TBL2: variants seen among roughly 807,000 people sequenced by gnomAD.
The protein encoded by TBL2 is transducin beta-like protein 2.
TBL2 carries 33 observed loss-of-function variants against 41.8 expected under a neutral mutation model. The observed-to-expected ratio is 0.79, with a 90% CI of 0.60 to 1.06. The LOEUF (loss-of-function observed/expected upper bound fraction) is 1.06, where lower values mean the gene tolerates loss of function less well. TBL2 is among the 50% of genes least tolerant of loss of function. The probability of loss-of-function intolerance (pLI) is 0.00; values close to 1 mark genes in which losing one functional copy is unlikely to be tolerated. For synonymous variants in TBL2, 239 were observed against 241.7 expected (o/e 0.99, Z 0.10); for missense variants, 522 against 603.8 (o/e 0.86, Z 1.42).
At chr7:73,571,953 TG>T in intron 5 of TBL2, 3 of 158,510 alleles carry the variant, frequency 1.9e-5, no homozygotes, top group Non-Finnish European at 2.8e-5. Context: ...CCCAGCTACT[TG>T]GGGGAGGCTG....
intron 1 of TBL2, 189 bp from the exon 2 acceptor site, chr7:73,574,702 T>C (rs1793186436): frequency 1.4e-6 from 1 of 723,868 alleles, no homozygotes; most frequent in Non-Finnish European, 2.3e-6. Flanking sequence ...GGCTCATGCC[T>C]GTAATCCCAA....
chr7:73,570,892 A>C lies in TBL2; in HGVS notation c.959T>G (p.Leu320Trp), dbSNP rs781970807. ...CTCTTCAAAGCGGCCTGTCTTCAGC[A>C]AGTAGGGGTCCTGCTTCTTCTTGTA... ...VEYKKKQDPYLLKTGRFEEAA... is the reference protein window; with the variant it reads ...VEYKKKQDPYWLKTGRFEEAA... Residue 320 changes from leucine to tryptophan, a missense_variant, in exon 7 of 7, where the codon TTG (leucine) becomes TGG (tryptophan). Leu to Trp is a moderately conservative substitution (Grantham distance 61, BLOSUM62 -2). Coordinates refer to ENST00000305632, the MANE Select transcript of TBL2 (RefSeq NM_012453.4). The C allele has an allele frequency of 1.2e-6, 2 of 1,613,900 alleles. No homozygotes were observed. Among genetic ancestry groups the C allele is most frequent in the Non-Finnish European group, 1.7e-6 (2 of 1,179,998 alleles).
At chr7:73,578,143 T>C in intron 1 of TBL2, 1 of 1,053,882 alleles carries the variant, frequency 9.5e-7, no homozygotes, top group Non-Finnish European at 1.3e-6. Flanking sequence ...GAGTTTACGG[T>C]GCTCTCCTGG....
Position 73,572,912 on chromosome 7 carries a change from A to C in TBL2, c.657T>G (p.Gly219=). 6.2e-7 allele frequency: 1 copy of C among 1,614,034 alleles called. No homozygotes were observed. Among genetic ancestry groups the C allele is most frequent in the Non-Finnish European group, 8.5e-7 (1 of 1,180,004 alleles). Residue 219 remains glycine (G), a synonymous_variant, in exon 5 of 7, where the codon GGT becomes GGG. Coordinates refer to ENST00000305632, the MANE Select transcript of TBL2 (RefSeq NM_012453.4). The part of the protein sequence containing the change: ...DTTVLIWSLK[G]QVLSTINTNQ... Reference sequence around the variant, plus strand: ...TGGTGTTGATGGTAGACAGCACTTGACCCTTCAGGCTCCAGATGAGGACAG... The same window carrying C: ...TGGTGTTGATGGTAGACAGCACTTGCCCCTTCAGGCTCCAGATGAGGACAG...
In TBL2 at chr7:73,570,690, A is replaced by T; in HGVS notation, c.1161T>A (p.Phe387Leu). 2 of 1,614,108 alleles carry T rather than the reference A, an allele frequency of 1.2e-6. No homozygotes were observed. The highest frequency in any genetic ancestry group is 1.7e-6 in the Non-Finnish European group (2 of 1,179,990). ...ANLSFDITGRFLASCGDRAVR... is the reference protein window; with the variant it reads ...ANLSFDITGRLLASCGDRAVR... ...CCGCCCGGTCCCCACAGGAGGCCAG[A>T]AAGCGGCCAGTGATGTCAAAGGACA... The change falls in exon 7 of 7, where the codon TTT becomes TTA. Residue 387 changes from phenylalanine to leucine, a missense_variant. Physicochemically the swap from Phe to Leu is conservative, Grantham distance 22. Transcript: ENST00000305632.
At chr7:73,573,829 G>C in intron 3 of TBL2, 109 bp downstream of exon 3, 1 of 1,379,838 alleles carries the variant, frequency 7.2e-7, no homozygotes, top group Non-Finnish European at 9.8e-7. Context: ...GGCACCCCAA[G>C]GGAGGCCCTG....
At chr7:73,572,767 G>A (rs1297291780) in intron 5 of TBL2, 77 bp downstream of exon 5, 3 of 1,601,296 alleles carry the variant, frequency 1.9e-6, no homozygotes, top group Non-Finnish European at 2.6e-6. Context: ...ACGCGATGAA[G>A]CTGGCTCTCT....
chr7:73,577,263 G>GC (rs1396533033), intron 1 of TBL2, among the ~76,000 whole-genome samples: 7 of 77,436 alleles, frequency 9.0e-5, no homozygotes, highest in Non-Finnish European at 8.6e-5. Flanking sequence ...CCGTCCCCCT[G>GC]CAAAAAAAAA....
rs201440606 is a variant in TBL2, at chr7:73,573,464, T to G, written c.454A>C (p.Ile152Leu). Reference protein sequence around the residue: ...VRFSPDCRAFIVWLANGDTLR... With the variant: ...VRFSPDCRAFLVWLANGDTLR... Reference sequence around the variant, plus strand: ...GTGTCCCCGTTGGCCAGCCAGACGATGAAGGCTCTAGAGACAGGCAGCAGA... The same window carrying G: ...GTGTCCCCGTTGGCCAGCCAGACGAGGAAGGCTCTAGAGACAGGCAGCAGA... The change falls in exon 4 of 7, where the codon ATC becomes CTC. Residue 152 changes from isoleucine (I) to leucine (L), a missense_variant. Coordinates refer to ENST00000305632, the MANE Select transcript of TBL2 (RefSeq NM_012453.4). The G allele has an allele frequency of 1.2e-6, 2 of 1,613,974 alleles. No individual in the cohort carries two copies. Among genetic ancestry groups the G allele is most frequent in the Admixed American group, 3.3e-5 (2 of 59,998 alleles).
rs1265240706 is a variant in TBL2, at chr7:73,570,045, A to C, written c.*462T>G. 1 of 155,766 alleles carries C rather than the reference A, an allele frequency of 6.4e-6. No homozygotes were observed. Among genetic ancestry groups the C allele is most frequent in the African/African-American group, 2.4e-5 (1 of 41,530 alleles). 9.6% of individuals were successfully genotyped at this position (155,766 alleles called of 1,614,324 possible). On this transcript the variant is annotated 3_prime_UTR_variant, in exon 7 of 7. Transcript: ENST00000305632. The stretch of plus-strand genomic sequence containing the variant: ...ACTGAGGCCCAGAAGGAAATCCCTT[A>C]GTGTCTTTTTGATGGAACACAGTTC...
chr7:73,573,570 C>T, intron 3 of TBL2, 99 bp from the exon 4 acceptor site: 1 of 1,477,064 alleles, frequency 6.8e-7, no homozygotes, highest in Non-Finnish European at 9.2e-7. Context: ...GATCTCTCCT[C>T]ATGCCCCACA....
chr7:73,578,568 A>G lies in TBL2; in HGVS notation c.-19T>C. The stretch of plus-strand genomic sequence containing the variant: ...GCTCCATGTTGGTGGAACCACTGCC[A>G]CCTCAGCTAGTGAGTACGCGGGCGC... On this transcript the variant is annotated 5_prime_UTR_variant, in exon 1 of 7. Transcript: ENST00000305632. The G allele has an allele frequency of 6.5e-7, 1 of 1,543,190 alleles. No individual in the cohort carries two copies. Among genetic ancestry groups the G allele is most frequent in the Non-Finnish European group, 8.7e-7 (1 of 1,143,130 alleles).
In TBL2 at chr7:73,573,394, G is replaced by A; in HGVS notation, c.524C>T (p.Thr175Ile). The A allele has an allele frequency of 2.5e-6, 4 of 1,614,204 alleles. No homozygotes were observed. The highest frequency in any genetic ancestry group is 1.7e-5 in the Admixed American group (1 of 60,020). The change falls in exon 4 of 7, where the codon ACC (threonine) becomes ATC (isoleucine). Residue 175 changes from threonine (T) to isoleucine (I), a missense_variant. Coordinates refer to ENST00000305632, the MANE Select transcript of TBL2 (RefSeq NM_012453.4). ...GAAGTCCTCTGGGGTGGCTGTGAAG[G>A]TGTAGCCCCCATCCTCCCGCTTGGT... is the stretch of plus-strand genomic sequence containing the variant. Reference protein sequence around the residue: ...KMTKREDGGYTFTATPEDFPK... With the variant: ...KMTKREDGGYIFTATPEDFPK...
chr7:73,571,390 G>T (rs781957321), intron 5 of TBL2, 49 bp from the exon 6 acceptor site: 6 of 1,610,980 alleles, frequency 3.7e-6, no homozygotes, highest in Non-Finnish European at 5.1e-6. Flanking sequence ...GGAGCATGTT[G>T]TTCCTGTAAA....
At chr7:73,577,517 C>T (rs1554589229) in intron 1 of TBL2, among the ~76,000 whole-genome samples, 1 of 152,122 alleles carries the variant, frequency 6.6e-6, no homozygotes, top group Non-Finnish European at 1.5e-5. Flanking sequence ...GAAGTTGCAA[C>T]GAGCCAAGAT....
At chr7:73,576,328 C>T (rs1427675135) in intron 1 of TBL2, among the ~76,000 whole-genome samples, 7 of 151,752 alleles carry the variant, frequency 4.6e-5, no homozygotes, top group Non-Finnish European at 7.4e-5. Flanking sequence ...TCACCATGCC[C>T]GGCCCGGCAG....
chr7:73,573,282 A>G (rs1793083264), intron 4 of TBL2, 38 bp downstream of exon 4: 1 of 1,610,128 alleles, frequency 6.2e-7, no homozygotes, highest in Non-Finnish European at 8.5e-7. Context: ...TCTTTCCTTC[A>G]TGCTTTGGGC....
intron 5 of TBL2, 136 bp downstream of exon 5, chr7:73,572,708 G>A: frequency 1.6e-6 from 2 of 1,227,826 alleles, no homozygotes; most frequent in Admixed American, 2.1e-5. Flanking sequence ...AGTGGGGAGA[G>A]CTGAGACTTG....
chr7:73,570,970 A>G lies in TBL2; in HGVS notation c.881T>C (p.Met294Thr), dbSNP rs1411252316. 6.3e-7 allele frequency: 1 copy of G among 1,595,604 alleles called. No homozygotes were observed. Among genetic ancestry groups the G allele is most frequent in the Non-Finnish European group, 8.6e-7 (1 of 1,169,564 alleles). The change falls in exon 7 of 7, where the codon ATG becomes ACG. Residue 294 changes from methionine (M) to threonine (T), a missense_variant and splice_region_variant. Coordinates refer to ENST00000305632, the MANE Select transcript of TBL2 (RefSeq NM_012453.4). ...TGTACCATCCTTGGAGACAGAAGCCATCCTGCAACACAGAAAATCACAGCT... is the reference window on the plus strand; with the variant it reads ...TGTACCATCCTTGGAGACAGAAGCCGTCCTGCAACACAGAAAATCACAGCT... The part of the protein sequence containing the change: ...SFAFSNDSRR[M>T]ASVSKDGTWK...
Sources: allele counts gnomAD v4.1 joint callset (sites outside exome capture counted in the v4.1 genomes callset), GRCh38; gene constraint gnomAD v4.1.1; transcripts MANE v1.5; gene names NCBI Gene and HGNC (gene_info 2026-07-23, HGNC 2026-07-21).